The following KCNT2 variants were observed in gnomAD, a reference collection of about 807,000 sequenced individuals.
The protein encoded by KCNT2 is potassium channel subfamily T member 2.
Under a neutral mutation model 153.8 loss-of-function variants are expected in KCNT2, and 67 were observed. The observed-to-expected ratio is 0.44, with a 90% confidence interval of 0.36 to 0.53. KCNT2 has a LOEUF of 0.53. Ranked by LOEUF, KCNT2 falls within the 20% of genes least tolerant of loss-of-function variation. KCNT2 has a pLI of 0.00. For synonymous variants in KCNT2, 500 were observed against 458.8 expected (o/e 1.09, Z -1.15); for missense variants, 975 against 1,354.8 (o/e 0.72, Z 4.40).
intron 11 of KCNT2, among the ~76,000 whole-genome samples, chr1:196,424,057 G>A (rs1197934145): frequency 6.6e-6 from 1 of 151,658 alleles, no homozygotes; most frequent in East Asian, 1.9e-4. Context: ...ACTCTAACTT[G>A]TTTTTTTAAA....
intron 8 of KCNT2, among the ~76,000 whole-genome samples, chr1:196,446,445 T>G (rs1324422045): frequency 3.3e-5 from 5 of 151,376 alleles, no homozygotes; most frequent in African/African-American, 1.2e-4. Flanking sequence ...TGGTTGGGAA[T>G]AACTGATTGA....
chr1:196,566,616 T>C (rs1468554116), intron 1 of KCNT2, among the ~76,000 whole-genome samples: 1 of 151,956 alleles, frequency 6.6e-6, no homozygotes, highest in African/African-American at 2.4e-5. Context: ...AAGGAAAATT[T>C]TATGAAAACT....
chr1:196,315,803 C>G (rs1310998728), intron 21 of KCNT2, 89 bp downstream of exon 21: 4 of 1,158,918 alleles, frequency 3.5e-6, no homozygotes, highest in Non-Finnish European at 2.4e-6. Flanking sequence ...TGGTGTGTCT[C>G]ATGTTCATTC....
chr1:196,273,472 GA>G (rs892147322), intron 25 of KCNT2: 1 of 1,529,434 alleles, frequency 6.5e-7, no homozygotes, highest in African/African-American at 1.4e-5. Context: ...ACTTACTTGT[GA>G]TGCTATTTTT....
rs537204547 is a variant in KCNT2 at position 196,458,460 on chromosome 1, G to A, written c.638+6833C>T. Among the ~76,000 whole-genome samples the A allele has an allele frequency of 4.6e-5, 7 of 151,754 alleles. No homozygotes were observed. The South Asian group carries it at 1.2e-3, about 27-fold the overall frequency. ...CCATACAAAATAATTTTGTTGTTAC[G>A]TAATTCTAAAACAAAATTTAATTAG... On this transcript the variant is annotated intron_variant, in intron 8 of 27. Coordinates refer to ENST00000294725, the MANE Select transcript of KCNT2 (RefSeq NM_198503.5).
chr1:196,548,607 G>A (rs1657444930), intron 1 of KCNT2, among the ~76,000 whole-genome samples: 1 of 151,968 alleles, frequency 6.6e-6, no homozygotes, highest in Non-Finnish European at 1.5e-5. Flanking sequence ...CGATTCCTCA[G>A]GGATCTAGAA....
At chr1:196,471,199 G>T (rs1171747280) in intron 5 of KCNT2, among the ~76,000 whole-genome samples, 1 of 151,738 alleles carries the variant, frequency 6.6e-6, no homozygotes, top group Non-Finnish European at 1.5e-5. Context: ...GAGCCATTGC[G>T]CCCGGCCCCT....
At chr1:196,453,359 CA>C (rs1358623985) in intron 8 of KCNT2, among the ~76,000 whole-genome samples, 5 of 151,882 alleles carry the variant, frequency 3.3e-5, no homozygotes, top group Non-Finnish European at 7.4e-5. Flanking sequence ...TCTCCAAAGT[CA>C]GTGATTGTGT....
chr1:196,261,189 A>G (rs1000853793), intron 25 of KCNT2, among the ~76,000 whole-genome samples: 5 of 151,894 alleles, frequency 3.3e-5, no homozygotes, highest in Non-Finnish European at 7.4e-5. Context: ...CAGTGCCTTT[A>G]TAGTAGGACC....
At chr1:196,358,832 T>C (rs951395756) in intron 14 of KCNT2, among the ~76,000 whole-genome samples, 2 of 151,954 alleles carry the variant, frequency 1.3e-5, no homozygotes, top group African/African-American at 4.8e-5. Context: ...CATGCTGATA[T>C]TCAGCAAATA....
At chr1:196,246,358 C>T (rs1655446631) in intron 26 of KCNT2, among the ~76,000 whole-genome samples, 2 of 152,028 alleles carry the variant, frequency 1.3e-5, no homozygotes, top group South Asian at 2.1e-4. Context: ...ACCAGACCTG[C>T]TATAAGAAAT....
At chr1:196,301,171 T>A (rs2147961690) in intron 22 of KCNT2, among the ~76,000 whole-genome samples, 1 of 152,262 alleles carries the variant, frequency 6.6e-6, no homozygotes, top group Non-Finnish European at 1.5e-5. Context: ...CCAACCGATT[T>A]TGTCCCAGGC....
At chr1:196,436,798 A>G (rs1298551830) in intron 8 of KCNT2, among the ~76,000 whole-genome samples, 1 of 150,212 alleles carries the variant, frequency 6.7e-6, no homozygotes, top group African/African-American at 2.4e-5. Context: ...ATAATATTCT[A>G]TTTTGCCTTA....
chr1:196,403,666 G>A (rs960872707), intron 12 of KCNT2, among the ~76,000 whole-genome samples: 3 of 150,788 alleles, frequency 2.0e-5, no homozygotes, highest in African/African-American at 7.3e-5. Context: ...AGTGTAGGGG[G>A]TGAGATATGG....
At chr1:196,513,807 C>A (rs1681833867) in intron 1 of KCNT2, among the ~76,000 whole-genome samples, 1 of 152,010 alleles carries the variant, frequency 6.6e-6, no homozygotes, top group Admixed American at 6.6e-5. Context: ...ACCTTAGAGA[C>A]CAAACAACTG....
intron 8 of KCNT2, 110 bp from the exon 9 acceptor site, chr1:196,429,867 C>T (rs1673982357): frequency 3.1e-6 from 2 of 643,918 alleles, no homozygotes; most frequent in Middle Eastern, 3.0e-4. Context: ...TTTAATAGTC[C>T]CTCTTATATT....
At position 196,288,059 on chromosome 1, in the gene KCNT2, T is replaced by C. The variant is rs1659833252; in HGVS notation, c.2596-2301A>G. On this transcript the variant is annotated intron_variant, in intron 22 of 27. Transcript: ENST00000294725. ...TGAGACCTAAAATTGAGTAGAAATTTGGGAAGAGTGAGTGTTAAGTTGAAA... is the reference window on the plus strand; with the variant it reads ...TGAGACCTAAAATTGAGTAGAAATTCGGGAAGAGTGAGTGTTAAGTTGAAA... 3.3e-5 allele frequency among the ~76,000 whole-genome samples: 5 copies of C among 151,788 alleles called. No homozygotes were observed. The South Asian group carries it at 1.0e-3, about 32-fold the overall frequency.
At chr1:196,538,346 C>T (rs1171844497) in intron 1 of KCNT2, among the ~76,000 whole-genome samples, 6 of 152,096 alleles carry the variant, frequency 3.9e-5, no homozygotes, top group Non-Finnish European at 7.4e-5. Context: ...GCTGGGGATC[C>T]TCTTCATGAA....
At chr1:196,274,597 TCCCATTG>T (rs1437620798) in intron 25 of KCNT2, among the ~76,000 whole-genome samples, 1 of 151,790 alleles carries the variant, frequency 6.6e-6, no homozygotes, top group East Asian at 1.9e-4. Flanking sequence ...AAAAGCTACT[TCCCATTG>T]TAATAGTAAA....
Sources: gnomAD v4.1 joint callset for allele counts (sites outside exome capture counted in the v4.1 genomes callset) on GRCh38, gnomAD v4.1.1 for gene constraint, MANE v1.5 for transcripts, NCBI Gene and HGNC (gene_info 2026-07-23, HGNC 2026-07-21) for gene names.